TPTE2: variants seen among roughly 807,000 people sequenced by gnomAD.
TPTE2 encodes transmembrane phosphoinositide 3-phosphatase and tensin homolog 2.
In TPTE2, 53 loss-of-function variants were observed where a neutral mutation model predicts 78.6. The observed-to-expected ratio is 0.67, with a 90% CI of 0.54 to 0.85. TPTE2 has a LOEUF of 0.85. Ranked by LOEUF, TPTE2 falls within the 40% of genes least tolerant of loss-of-function variation. The pLI is 0.00. For missense variants in TPTE2, 461 were observed against 623.0 expected (o/e 0.74, Z 2.77); for synonymous variants, 175 against 206.2 (o/e 0.85, Z 1.30).
intron 1 of TPTE2, among the ~76,000 whole-genome samples, chr13:19,517,761 G>T (rs191895988): frequency 6.6e-6 from 1 of 152,218 alleles, no homozygotes; most frequent in African/African-American, 2.4e-5. Context: ...TGTAGAGTGG[G>T]GAATAGAACG....
upstream of TPTE2, among the ~76,000 whole-genome samples, chr13:19,538,870 T>C (rs1320489584): frequency 2.0e-5 from 3 of 152,138 alleles, no homozygotes; most frequent in Admixed American, 6.5e-5. Flanking sequence ...TCCGACAGAA[T>C]TGGATTTTTT....
At chr13:19,438,948 C>G (rs1298544744) in intron 13 of TPTE2, among the ~76,000 whole-genome samples, 2 of 152,092 alleles carry the variant, frequency 1.3e-5, no homozygotes, top group Non-Finnish European at 2.9e-5. Flanking sequence ...TCCACGCAAC[C>G]CGGGCAGAGG....
chr13:19,550,077 T>G, the TPTE2 span, among the ~76,000 whole-genome samples: 1 of 143,974 alleles, frequency 6.9e-6, no homozygotes, highest in Non-Finnish European at 1.5e-5. Flanking sequence ...GTGACAAAAT[T>G]ATCTGTACAC....
intron 1 of TPTE2, among the ~76,000 whole-genome samples, chr13:19,514,167 T>C (rs1027358578): frequency 6.6e-6 from 1 of 152,202 alleles, no homozygotes; most frequent in Non-Finnish European, 1.5e-5. Flanking sequence ...ACAGGCATTC[T>C]GATAGTTTCC....
intron 1 of TPTE2, among the ~76,000 whole-genome samples, chr13:19,502,776 T>A (rs1169972645): frequency 1.3e-5 from 2 of 151,254 alleles, no homozygotes; most frequent in Non-Finnish European, 1.5e-5. Context: ...TGTGCACATG[T>A]ACCCTAAAAC....
At chr13:19,497,531 C>T (rs531172428) in intron 1 of TPTE2, among the ~76,000 whole-genome samples, 1,437 of 77,268 alleles carry the variant, frequency 0.019, 112 homozygotes, top group African/African-American at 0.044. Flanking sequence ...CACCCCCCAG[C>T]AGGGGCACAC....
At chr13:19,525,838 T>C (rs1870462309) in intron 1 of TPTE2, among the ~76,000 whole-genome samples, 1 of 151,358 alleles carries the variant, frequency 6.6e-6, no homozygotes, top group South Asian at 2.1e-4. Flanking sequence ...CTGAAACAAA[T>C]TTACAAGCAA....
exon 16 of TPTE2, chr13:19,432,496 C>A: frequency 1.2e-6 from 2 of 1,604,374 alleles, no homozygotes. Flanking sequence ...AATAATGAAT[C>A]TTTTTATAAA....
chr13:19,523,563 C>T (rs1870314611), intron 1 of TPTE2, among the ~76,000 whole-genome samples: 1 of 152,190 alleles, frequency 6.6e-6, no homozygotes, highest in Middle Eastern at 3.4e-3. Flanking sequence ...GCAACCTCTG[C>T]CTCCCAAGTT....
chr13:19,494,519 C>G (rs966250680), intron 1 of TPTE2, among the ~76,000 whole-genome samples: 1 of 152,166 alleles, frequency 6.6e-6, no homozygotes, highest in African/African-American at 2.4e-5. Context: ...ATCGATTCTC[C>G]TGCCTCACCC....
At chr13:19,489,579 G>T (rs1880867469) in intron 3 of TPTE2, among the ~76,000 whole-genome samples, 1 of 148,986 alleles carries the variant, frequency 6.7e-6, no homozygotes, top group Non-Finnish European at 1.5e-5. Context: ...TCTATACATA[G>T]ATATGTATAT....
At chr13:19,559,376 G>T in the TPTE2 span, among the ~76,000 whole-genome samples, 1 of 152,112 alleles carries the variant, frequency 6.6e-6, no homozygotes, top group African/African-American at 2.4e-5. Flanking sequence ...ATGTCTCTGC[G>T]CCTCCCTGGC....
intron 16 of TPTE2, among the ~76,000 whole-genome samples, chr13:19,432,034 T>C (rs1353936739): frequency 3.4e-5 from 2 of 59,570 alleles, no homozygotes; most frequent in African/African-American, 9.8e-5. Flanking sequence ...GAAAAAAATA[T>C]GCCTCTAAAA....
intron 17 of TPTE2, among the ~76,000 whole-genome samples, chr13:19,429,949 G>A (rs1424241821): frequency 3.3e-5 from 5 of 152,122 alleles, no homozygotes; most frequent in Admixed American, 6.5e-5. Context: ...CCCACAGAAC[G>A]TCTGACTTAG....
intron 15 of TPTE2, among the ~76,000 whole-genome samples, chr13:19,434,722 T>A (rs1261019955): frequency 6.6e-6 from 1 of 152,126 alleles, no homozygotes; most frequent in Non-Finnish European, 1.5e-5. Flanking sequence ...CAAGAGTACT[T>A]ACTCAGCTCC....
intron 6 of TPTE2, among the ~76,000 whole-genome samples, chr13:19,472,953 T>C (rs1365557967): frequency 6.6e-6 from 1 of 152,238 alleles, no homozygotes; most frequent in East Asian, 1.9e-4. Context: ...TCTTGCAGAC[T>C]TATAGTGGTA....
At chr13:19,430,979 T>G (rs1218370670) in intron 16 of TPTE2, among the ~76,000 whole-genome samples, 6 of 151,694 alleles carry the variant, frequency 4.0e-5, no homozygotes, top group African/African-American at 1.5e-4. Flanking sequence ...ATACAAAAAT[T>G]AGCCAGGCGT....
chr13:19,489,733 TAC>T (rs577700623), intron 3 of TPTE2, among the ~76,000 whole-genome samples: 2 of 140,158 alleles, frequency 1.4e-5, no homozygotes, highest in East Asian at 2.1e-4. Context: ...TATATATATA[TAC>T]ACACACACAT....
chr13:19,530,393 C>A (rs1870792540), intron 1 of TPTE2, among the ~76,000 whole-genome samples: 1 of 152,188 alleles, frequency 6.6e-6, no homozygotes, highest in African/African-American at 2.4e-5. Flanking sequence ...CTACTGACCT[C>A]AGCCACCAAA....
Sources: gnomAD v4.1 joint callset for allele counts (sites outside exome capture counted in the v4.1 genomes callset) on GRCh38, gnomAD v4.1.1 for gene constraint, MANE v1.5 for transcripts, NCBI Gene and HGNC (gene_info 2026-07-23, HGNC 2026-07-21) for gene names.